ATR: variants seen among roughly 807,000 people sequenced by gnomAD.
ATR encodes ATR checkpoint kinase.
A neutral mutation model predicts 305.3 loss-of-function variants in ATR; 142 were observed. The observed-to-expected ratio is 0.47, with a 90% CI of 0.41 to 0.53. ATR has a LOEUF of 0.53. ATR is among the 20% of genes least tolerant of loss of function. The pLI is 0.00. For missense variants in ATR, 2,135 were observed against 3,133.1 expected (o/e 0.68, Z 7.60); for synonymous variants, 1,050 against 1,068.1 (o/e 0.98, Z 0.33).
intron 3 of ATR, among the ~76,000 whole-genome samples, chr3:142,564,211 G>A (rs62276445): frequency 1.3e-5 from 2 of 152,108 alleles, no homozygotes; most frequent in South Asian, 2.1e-4. Flanking sequence ...TATGCACTGG[G>A]AAACCAAAAA....
intron 6 of ATR, 90 bp from the exon 7 acceptor site, chr3:142,559,531 T>C (rs2034802923): frequency 7.9e-7 from 1 of 1,258,978 alleles, no homozygotes; most frequent in African/African-American, 1.5e-5. Context: ...CAAAAGAAAT[T>C]GTGAGTACGA....
chr3:142,519,903 C>T (rs866843018), intron 23 of ATR, 119 bp from the exon 24 acceptor site: 20 of 813,200 alleles, frequency 2.5e-5, no homozygotes, highest in African/African-American at 1.9e-4. Context: ...TATTGCACTT[C>T]GCTTTATTTA....
chr3:142,508,466 G>C (rs1015801335), intron 27 of ATR, among the ~76,000 whole-genome samples: 8 of 152,032 alleles, frequency 5.3e-5, no homozygotes, highest in African/African-American at 1.9e-4. Context: ...AAAGATACAA[G>C]ATTAGTCATT....
intron 25 of ATR, among the ~76,000 whole-genome samples, 196 bp from the exon 26 acceptor site, chr3:142,513,834 G>A (rs1473464132): frequency 6.6e-6 from 1 of 151,754 alleles, no homozygotes; most frequent in African/African-American, 2.4e-5. Context: ...TGCTAACACT[G>A]TTGAACTCAT....
At chr3:142,471,104 G>A (rs944235030) in intron 36 of ATR, among the ~76,000 whole-genome samples, 2 of 151,800 alleles carry the variant, frequency 1.3e-5, no homozygotes, top group Non-Finnish European at 2.9e-5. Context: ...GTAACTTCCC[G>A]TCTCCTTCCC....
At chr3:142,565,468 G>C (rs1378230645) in intron 3 of ATR, among the ~76,000 whole-genome samples, 2 of 152,070 alleles carry the variant, frequency 1.3e-5, no homozygotes, top group Admixed American at 6.5e-5. Flanking sequence ...TCAATATATA[G>C]AATAGCGGTC....
chr3:142,514,763 G>C (rs1213281591), intron 25 of ATR, among the ~76,000 whole-genome samples: 1 of 135,380 alleles, frequency 7.4e-6, no homozygotes. Context: ...AGCCGAGATC[G>C]CACCACTGCA....
In ATR at chr3:142,457,810, T is replaced by C. The variant is rs894388979; in HGVS notation, c.7504-55A>G. ...AACAATGTTAGAATTTAAAAATCTT[T>C]ACTCAAAGAACTTCATGTCCAGATT... is the stretch of plus-strand genomic sequence containing the variant. On this transcript the variant is annotated intron_variant, in intron 44 of 46. Transcript: ENST00000350721. 1.3e-5 allele frequency: 20 copies of C among 1,587,806 alleles called. No homozygotes were observed. The East Asian group carries it at 4.5e-4, about 36-fold the overall frequency.
chr3:142,475,373 T>C (rs1248397364), intron 36 of ATR, among the ~76,000 whole-genome samples: 1 of 152,208 alleles, frequency 6.6e-6, no homozygotes, highest in Non-Finnish European at 1.5e-5. Context: ...CTTCGATAGT[T>C]TGCTGAGAAT....
intron 40 of ATR, chr3:142,465,937 C>A: frequency 4.5e-6 from 1 of 220,276 alleles, no homozygotes; most frequent in South Asian, 6.1e-5. Flanking sequence ...GCCTAAGAGG[C>A]AGAGGTTGCA....
intron 1 of ATR, among the ~76,000 whole-genome samples, chr3:142,569,706 G>A (rs918385214): frequency 5.3e-5 from 8 of 151,896 alleles, no homozygotes; most frequent in African/African-American, 1.9e-4. Flanking sequence ...GAGTGCAGTG[G>A]CATGATCTCA....
In ATR at chr3:142,566,225, G is replaced by A. The variant is rs2035067219; in HGVS notation, c.188C>T (p.Pro63Leu). ...GAAATCAAGCAACATCACGGAGGTT[G>A]GCTGAGAGTCAGTTTTCTTTACAAG... Reference protein sequence around the residue: ...VELVKKTDSQPTSVMLLDFIQ... With the variant: ...VELVKKTDSQLTSVMLLDFIQ... Residue 63 changes from proline (P) to leucine (L), a missense_variant, in exon 3 of 47, where the codon CCA becomes CTA. Pro to Leu is a moderately conservative substitution (Grantham distance 98). This residue lies in a region of ATR where 744 missense variants were observed against 873.2 expected (regional missense o/e 0.85). Transcript: ENST00000350721. 6.2e-7 allele frequency: 1 copy of A among 1,614,022 alleles called. No homozygotes were observed. The highest frequency in any genetic ancestry group is 8.5e-7 in the Non-Finnish European group (1 of 1,179,882).
At chr3:142,502,574 T>C (rs938348077) in intron 30 of ATR, among the ~76,000 whole-genome samples, 3 of 152,118 alleles carry the variant, frequency 2.0e-5, no homozygotes, top group Non-Finnish European at 2.9e-5. Flanking sequence ...TCACGTAATA[T>C]GCCCTTGTCA....
chr3:142,529,021 T>G (rs1254572054), intron 21 of ATR, among the ~76,000 whole-genome samples: 1 of 149,782 alleles, frequency 6.7e-6, no homozygotes, highest in Non-Finnish European at 1.5e-5. Context: ...GCAGCTGGGA[T>G]TACAGGTGCG....
intron 1 of ATR, among the ~76,000 whole-genome samples, chr3:142,575,352 A>C (rs924454992): frequency 6.6e-6 from 1 of 151,638 alleles, no homozygotes; most frequent in Non-Finnish European, 1.5e-5. Context: ...CGGTGGTGCA[A>C]GCCTGTAGTC....
chr3:142,453,818 A>G (rs1202918291), intron 45 of ATR, among the ~76,000 whole-genome samples: 1 of 152,274 alleles, frequency 6.6e-6, no homozygotes, highest in East Asian at 1.9e-4. Context: ...CTAACATGCA[A>G]TTACAACTCC....
chr3:142,491,634 T>C (rs995221640), intron 35 of ATR, among the ~76,000 whole-genome samples: 125 of 152,180 alleles, frequency 8.2e-4, no homozygotes, highest in African/African-American at 2.8e-3. Context: ...CACTGCCCTT[T>C]AGGATAATAT....
In ATR at chr3:142,522,774, T is replaced by A. The variant is rs762160435; in HGVS notation, c.4220A>T (p.Tyr1407Phe). 2 of 1,613,866 alleles carry A rather than the reference T, an allele frequency of 1.2e-6. No individual in the cohort carries two copies. The highest frequency in any genetic ancestry group is 1.7e-6 in the Non-Finnish European group (2 of 1,179,896). ...LMELTRAYLA[Y>F]ADNSRAQDSA... ...ATCTTGAGCTCGGCTATTATCAGCATACGCAAGGTAAGCTCTTGTTAGCTC... is the reference window on the plus strand; with the variant it reads ...ATCTTGAGCTCGGCTATTATCAGCAAACGCAAGGTAAGCTCTTGTTAGCTC... The change falls in exon 23 of 47, where the codon TAT becomes TTT. Residue 1407 changes from tyrosine (Y) to phenylalanine (F), a missense_variant. Tyr to Phe is a conservative substitution (Grantham distance 22). Transcript: ENST00000350721.
chr3:142,487,088 C>T lies in ATR; in HGVS notation c.6079-1806G>A, dbSNP rs142654138. Among the ~76,000 whole-genome samples, 499 of 151,986 alleles carry T rather than the reference C, an allele frequency of 3.3e-3. 1 individual carries two copies. Among genetic ancestry groups the T allele is most frequent in the African/African-American group, 0.011 (452 of 41,452 alleles). On this transcript the variant is annotated intron_variant, in intron 35 of 46. Transcript: ENST00000350721. ...CGGAGCTTGCAATGAGCCAAGATCG[C>T]GCAACTGCACTCCAGCCTGAGCGAC...
Sources: gnomAD v4.1 joint callset for allele counts (sites outside exome capture counted in the v4.1 genomes callset) on GRCh38, gnomAD v4.1.1 for gene constraint, gnomAD v4.1.1 regional missense constraint, MANE v1.5 for transcripts, NCBI Gene and HGNC (gene_info 2026-07-23, HGNC 2026-07-21) for gene names.